ACP3: variants seen among roughly 807,000 people sequenced by gnomAD.
The protein encoded by ACP3 is acid phosphatase 3, also known as prostatic acid phosphatase.
In ACP3, 38 loss-of-function variants were observed where a neutral mutation model predicts 45.6. That is an observed-to-expected ratio of 0.83 (90% CI 0.64 to 1.09). The LOEUF is 1.09. Ranked by LOEUF, ACP3 falls within the 50% of genes least tolerant of loss-of-function variation. The probability of loss-of-function intolerance (pLI) is 0.00; values close to 1 mark genes in which losing one functional copy is unlikely to be tolerated. For missense variants in ACP3, 466 were observed against 463.2 expected, an observed-to-expected ratio of 1.01 and a Z score of -0.05; for synonymous variants, 162 against 164.7, an observed-to-expected ratio of 0.98 and a Z score of 0.13.
chr3:132,331,056 AC>A (rs780753276), intron 2 of ACP3, among the ~76,000 whole-genome samples: 134 of 152,222 alleles, frequency 8.8e-4, no homozygotes, highest in Non-Finnish European at 1.2e-3. Context: ...CTTGAGCACC[AC>A]CCCCAAAGGT....
intron 4 of ACP3, among the ~76,000 whole-genome samples, chr3:132,334,756 T>C (rs1409386625): frequency 6.6e-6 from 1 of 152,072 alleles, no homozygotes; most frequent in Non-Finnish European, 1.5e-5. Context: ...GATTAGATAA[T>C]CCAAATTTAA....
At chr3:132,324,642 T>A (rs948264051) in intron 1 of ACP3, among the ~76,000 whole-genome samples, 2 of 152,046 alleles carry the variant, frequency 1.3e-5, no homozygotes, top group Non-Finnish European at 2.9e-5. Context: ...TATTTTTTTT[T>A]ATTTTTATTT....
chr3:132,332,271 G>A lies in ACP3; in HGVS notation c.383G>A (p.Gly128Asp), dbSNP rs760000878. 2.5e-6 allele frequency: 4 copies of A among 1,614,016 alleles called. No homozygotes were observed. Residue 128 changes from glycine (G) to aspartate (D), a missense_variant, in exon 4 of 10, where the codon GGT becomes GAT. Coordinates refer to ENST00000336375, the MANE Select transcript of ACP3 (RefSeq NM_001099.5). The stretch of plus-strand genomic sequence containing the variant: ...CTGGCAGCCCTGTTTCCCCCAGAAG[G>A]TGTCAGCATCTGGAATCCTATCCTA... ...TNLAALFPPEGVSIWNPILLW... is the reference protein window; with the variant it reads ...TNLAALFPPEDVSIWNPILLW...
chr3:132,334,411 G>A (rs1010764142), intron 4 of ACP3, among the ~76,000 whole-genome samples: 4 of 152,188 alleles, frequency 2.6e-5, no homozygotes, highest in Non-Finnish European at 2.9e-5. Flanking sequence ...GAAATAGGAG[G>A]CGAAGTTTTT....
chr3:132,355,360 T>C (rs993066632), intron 9 of ACP3, among the ~76,000 whole-genome samples: 4 of 152,214 alleles, frequency 2.6e-5, no homozygotes, highest in African/African-American at 9.6e-5. Flanking sequence ...ATTGGTCATC[T>C]AGGCCATATC....
chr3:132,332,085 T>C (rs951055192), intron 3 of ACP3, 107 bp from the exon 4 acceptor site: 4 of 1,207,870 alleles, frequency 3.3e-6, no homozygotes, highest in African/African-American at 3.0e-5. Flanking sequence ...ATGTCTGTAA[T>C]ATTTCACTGT....
chr3:132,338,282 T>G (rs907869943), intron 5 of ACP3, among the ~76,000 whole-genome samples: 10 of 133,818 alleles, frequency 7.5e-5, no homozygotes, highest in African/African-American at 3.3e-4. Flanking sequence ...TTTTGTTTTG[T>G]TTTTTTTTTT....
chr3:132,337,098 G>T (rs528447398), intron 4 of ACP3, among the ~76,000 whole-genome samples: 1 of 148,816 alleles, frequency 6.7e-6, no homozygotes, highest in African/African-American at 2.5e-5. Context: ...GTGTGTGTGT[G>T]TACAGGTGTG....
chr3:132,351,534 G>GA (rs1937739210), intron 8 of ACP3, among the ~76,000 whole-genome samples: 1 of 152,170 alleles, frequency 6.6e-6, no homozygotes, highest in African/African-American at 2.4e-5. Flanking sequence ...AAGATGCCAG[G>GA]AAGTTTGTTT....
At position 132,328,358 on chromosome 3, in the gene ACP3, C is replaced by A; in HGVS notation, c.212C>A (p.Thr71Asn). The stretch of plus-strand genomic sequence containing the variant: ...TGGCCACAAGGATTTGGCCAACTCA[C>A]CCAGGTTGGTTGGACTTTTAGCTAA... ...SSWPQGFGQL[T>N]QLGMEQHYEL... Residue 71 changes from threonine (T) to asparagine (N), a missense_variant, in exon 2 of 10, where the codon ACC (threonine) becomes AAC (asparagine). Physicochemically the swap from Thr to Asn is moderately conservative, Grantham distance 65. Transcript: ENST00000336375. The A allele has an allele frequency of 6.2e-7, 1 of 1,613,184 alleles. No individual in the cohort carries two copies. Among genetic ancestry groups the A allele is most frequent in the Non-Finnish European group, 8.5e-7 (1 of 1,179,384 alleles).
rs747998417 is a variant in ACP3, at chr3:132,328,349, G to A, written c.203G>A (p.Gly68Asp). The change falls in exon 2 of 10, where the codon GGC becomes GAC. Residue 68 changes from glycine to aspartate, a missense_variant. Transcript: ENST00000336375. The stretch of plus-strand genomic sequence containing the variant: ...GAATCCTCATGGCCACAAGGATTTG[G>A]CCAACTCACCCAGGTTGGTTGGACT... ...IKESSWPQGFGQLTQLGMEQH... is the reference protein window; with the variant it reads ...IKESSWPQGFDQLTQLGMEQH... 1.9e-6 allele frequency: 3 copies of A among 1,613,378 alleles called. No homozygotes were observed. Among genetic ancestry groups the A allele is most frequent in the Non-Finnish European group, 2.5e-6 (3 of 1,179,626 alleles).
At chr3:132,359,774 G>A (rs1404402095), downstream of ACP3, among the ~76,000 whole-genome samples, 1 of 152,182 alleles carries the variant, frequency 6.6e-6, no homozygotes, top group Non-Finnish European at 1.5e-5. Context: ...AAAATGTAAG[G>A]GTTGATGTGC....
At chr3:132,342,826 T>C (rs770610465) in intron 6 of ACP3, among the ~76,000 whole-genome samples, 182 bp downstream of exon 6, 3 of 152,204 alleles carry the variant, frequency 2.0e-5, no homozygotes, top group Non-Finnish European at 4.4e-5. Context: ...TTCTCTTTTC[T>C]CTCTATTATT....
At chr3:132,338,328 C>A (rs903564758) in intron 5 of ACP3, among the ~76,000 whole-genome samples, 11 of 149,798 alleles carry the variant, frequency 7.3e-5, no homozygotes, top group African/African-American at 2.7e-4. Context: ...ATTTCTATAT[C>A]TGTATGTAAA....
At position 132,327,751 on chromosome 3, in the gene ACP3, G is replaced by A. The variant is rs59684271; in HGVS notation, c.121-516G>A. On this transcript the variant is annotated intron_variant, in intron 1 of 9. Transcript: ENST00000336375. ...GGAGAATTGCTTGAACCTGGGATTC[G>A]CCACTGCACTCCAGCCTGGGCAACA... 0.045 allele frequency among the ~76,000 whole-genome samples: 6,834 copies of A among 151,112 alleles called. 749 individuals carry two copies. The East Asian group carries it at 0.49, about 11-fold the overall frequency.
intron 2 of ACP3, 95 bp downstream of exon 2, chr3:132,328,457 T>C (rs1234361191): frequency 2.1e-6 from 2 of 967,508 alleles, no homozygotes; most frequent in African/African-American, 1.6e-5. Context: ...GGCAGGCGGA[T>C]CAACTGAGGT....
At chr3:132,323,728 CATCAAGGTGAGAAT>C (rs1937246131) in intron 1 of ACP3, among the ~76,000 whole-genome samples, 1 of 152,158 alleles carries the variant, frequency 6.6e-6, no homozygotes, top group Non-Finnish European at 1.5e-5. Context: ...AAGCTGAGGA[CATCAAGGTGAGAAT>C]ATCAAGGTGG....
intron 1 of ACP3, among the ~76,000 whole-genome samples, chr3:132,320,652 GTT>G (rs5852699): frequency 8.0e-4 from 106 of 133,032 alleles, no homozygotes; most frequent in South Asian, 4.3e-3. Context: ...ATATTCTTGG[GTT>G]TTTTTTTTTT....
chr3:132,365,140 T>C (rs1938109541), intron 10 of ACP3, among the ~76,000 whole-genome samples: 1 of 152,256 alleles, frequency 6.6e-6, no homozygotes, highest in African/African-American at 2.4e-5. Context: ...GTACTCGTTA[T>C]GTGCCAGATA....
Sources: gnomAD v4.1 joint callset for allele counts (sites outside exome capture counted in the v4.1 genomes callset) on GRCh38, gnomAD v4.1.1 for gene constraint, MANE v1.5 for transcripts, NCBI Gene and HGNC (gene_info 2026-07-23, HGNC 2026-07-21) for gene names.